The following VRK2 variants were observed in gnomAD, a reference collection of about 807,000 sequenced individuals.
VRK2 encodes serine/threonine-protein kinase VRK2.
In VRK2, 60 loss-of-function variants were observed where a neutral mutation model predicts 57.6. The ratio of observed to expected loss-of-function variants is 1.04; its 90% CI spans 0.85 to 1.29. The LOEUF (loss-of-function observed/expected upper bound fraction) is 1.29. Ranked by LOEUF, VRK2 falls within the 50% of genes most tolerant of loss-of-function variation. The pLI, the probability that VRK2 is intolerant of heterozygous loss-of-function variation, is 0.00. For missense variants in VRK2, 705 were observed against 588.1 expected, an observed-to-expected ratio of 1.20 and a Z score of -2.06; for synonymous variants, 231 against 199.2, an observed-to-expected ratio of 1.16 and a Z score of -1.35.
At chr2:58,022,867 C>G (rs755325308) in intron 1 of VRK2, among the ~76,000 whole-genome samples, 5 of 149,862 alleles carry the variant, frequency 3.3e-5, no homozygotes, top group Non-Finnish European at 7.5e-5. Flanking sequence ...AGAGCAAGAC[C>G]CTGACTCAAA....
rs1677789898 is a variant in VRK2, at chr2:58,123,196, A to G, written c.639A>G (p.Thr213=). ...QENPRKGHNG[T]IEFTSLDAHK... is the part of the protein sequence containing the mutation. ...ATCCTAGAAAAGGCCATAATGGGAC[A>G]ATAGAGTTTACCAGCTTGGATGCCC... The change falls in exon 8 of 13, where the codon ACA becomes ACG. Residue 213 remains threonine, a synonymous_variant. Transcript: ENST00000340157. 1.3e-6 allele frequency: 2 copies of G among 1,590,552 alleles called. No homozygotes were observed. Among genetic ancestry groups the G allele is most frequent in the Non-Finnish European group, 1.7e-6 (2 of 1,173,990 alleles).
At chr2:58,045,277 G>C, upstream of VRK2, among the ~76,000 whole-genome samples, 1 of 152,230 alleles carries the variant, frequency 6.6e-6, no homozygotes, top group East Asian at 1.9e-4. Context: ...ATAGATGCTG[G>C]ATGTATTTTG....
intron 2 of VRK2, among the ~76,000 whole-genome samples, chr2:58,071,630 GCTAT>G (rs974098383): frequency 7.2e-4 from 110 of 151,958 alleles, no homozygotes; most frequent in African/African-American, 2.4e-3. Context: ...CTATTTCTAG[GCTAT>G]CTATTACATT....
At chr2:57,926,968 T>C in intron 1 of VRK2, among the ~76,000 whole-genome samples, 1 of 150,708 alleles carries the variant, frequency 6.6e-6, no homozygotes, top group Non-Finnish European at 1.5e-5. Context: ...TTAGTGAAGG[T>C]AGTTTTCTCT....
chr2:58,133,438 A>G (rs1411234793), intron 9 of VRK2, among the ~76,000 whole-genome samples: 1 of 152,226 alleles, frequency 6.6e-6, no homozygotes, highest in Non-Finnish European at 1.5e-5. Flanking sequence ...CAAACTTATT[A>G]TAGTACATAA....
intron 1 of VRK2, among the ~76,000 whole-genome samples, chr2:57,934,448 T>C (rs750454522): frequency 6.6e-6 from 1 of 152,240 alleles, no homozygotes; most frequent in Non-Finnish European, 1.5e-5. Flanking sequence ...GATAGACTTA[T>C]GGTAGTTTCC....
chr2:57,918,636 T>A (rs17829368), intron 1 of VRK2, among the ~76,000 whole-genome samples: 1 of 152,086 alleles, frequency 6.6e-6, no homozygotes, highest in African/African-American at 2.4e-5. Flanking sequence ...AAAGCACCCA[T>A]CTAAGCAGTT....
chr2:58,085,084 T>A (rs1671432121), intron 4 of VRK2, 134 bp downstream of exon 4: 3 of 706,442 alleles, frequency 4.2e-6, no homozygotes, highest in Non-Finnish European at 6.7e-6. Flanking sequence ...TACAGTTAAC[T>A]GTTACAACAT....
At chr2:57,934,705 C>A (rs1300921045) in intron 1 of VRK2, among the ~76,000 whole-genome samples, 1 of 152,132 alleles carries the variant, frequency 6.6e-6, no homozygotes, top group East Asian at 1.9e-4. Context: ...AATATTCAAA[C>A]CCTAGTTCCT....
At chr2:57,964,135 T>C (rs1671839763) in intron 1 of VRK2, among the ~76,000 whole-genome samples, 1 of 152,134 alleles carries the variant, frequency 6.6e-6, no homozygotes, top group African/African-American at 2.4e-5. Context: ...CACATATACC[T>C]TTTGACTCCC....
At chr2:57,989,235 G>T (rs1484245313) in intron 1 of VRK2, among the ~76,000 whole-genome samples, 1 of 152,102 alleles carries the variant, frequency 6.6e-6, no homozygotes, top group Admixed American at 6.6e-5. Context: ...CCATTTATTG[G>T]ATTCACATTC....
rs374793020 is a variant in VRK2, at chr2:57,920,574, AC to A, written c.-439+12736del. Reference sequence around the variant, plus strand: ...GTGGAAGTCATTTTCATTCTCAACAACAAAAGCTGGAGTTGAGTATCGGTGA... The same window carrying A: ...GTGGAAGTCATTTTCATTCTCAACAAAAAAGCTGGAGTTGAGTATCGGTGA... On this transcript the variant is annotated intron_variant, in intron 1 of 15. Coordinates refer to the VRK2 transcript ENST00000417641. Among the ~76,000 whole-genome samples, 33 of 152,248 alleles carry A rather than the reference AC, an allele frequency of 2.2e-4. No individual in the cohort carries two copies. In the East Asian group the frequency reaches 6.0e-3, roughly 28 times the overall value.
At chr2:58,136,637 G>A (rs1680057581) in intron 10 of VRK2, among the ~76,000 whole-genome samples, 1 of 151,558 alleles carries the variant, frequency 6.6e-6, no homozygotes. Flanking sequence ...CCCCCACCTT[G>A]CCCTCCCAAA....
intron 7 of VRK2, among the ~76,000 whole-genome samples, chr2:58,122,767 T>G (rs994751427): frequency 1.1e-4 from 17 of 152,286 alleles, no homozygotes; most frequent in Admixed American, 6.5e-4. Context: ...AAGCAGAGCC[T>G]CCTCAACTGT....
intron 2 of VRK2, among the ~76,000 whole-genome samples, chr2:58,027,629 T>A (rs1021071047): frequency 1.3e-5 from 2 of 152,150 alleles, no homozygotes; most frequent in Admixed American, 6.6e-5. Flanking sequence ...GTCAACTATA[T>A]AAATTAAAAT....
chr2:58,144,750 G>A (rs1681860095), intron 11 of VRK2, among the ~76,000 whole-genome samples: 1 of 151,992 alleles, frequency 6.6e-6, no homozygotes, highest in South Asian at 2.1e-4. Flanking sequence ...GGAAGGTTGA[G>A]TGGTGAAAAT....
chr2:58,108,990 T>C (rs1031266339), intron 7 of VRK2, among the ~76,000 whole-genome samples: 10 of 152,252 alleles, frequency 6.6e-5, no homozygotes, highest in African/African-American at 2.4e-4. Flanking sequence ...ATTTGACTTA[T>C]GTAAAGTACT....
chr2:58,126,290 A>G (rs1175784791), intron 8 of VRK2, among the ~76,000 whole-genome samples: 1 of 152,162 alleles, frequency 6.6e-6, no homozygotes, highest in African/African-American at 2.4e-5. Flanking sequence ...TAGCCACTCA[A>G]TAGAGACTGC....
intron 1 of VRK2, among the ~76,000 whole-genome samples, chr2:57,914,394 ATATAAC>A (rs1670083952): frequency 6.6e-6 from 1 of 152,100 alleles, no homozygotes; most frequent in Admixed American, 6.5e-5. Flanking sequence ...AGGACTAATA[ATATAAC>A]TCTATCCCGA....
Sources: allele counts gnomAD v4.1 joint callset (sites outside exome capture counted in the v4.1 genomes callset), GRCh38; gene constraint gnomAD v4.1.1; transcripts MANE v1.5; gene names NCBI Gene and HGNC (gene_info 2026-07-23, HGNC 2026-07-21).